CYP4Z1: variants seen among roughly 807,000 people sequenced by gnomAD.
CYP4Z1 encodes cytochrome P450 family 4 subfamily Z member 1, also known as cytochrome P450 4Z1.
A neutral mutation model predicts 54.2 loss-of-function variants in CYP4Z1; 41 were observed. The ratio of observed to expected loss-of-function variants is 0.76; its 90% confidence interval spans 0.59 to 0.98. The LOEUF (loss-of-function observed/expected upper bound fraction) is 0.98, where lower values mean the gene tolerates loss of function less well. Among genes scored for constraint, CYP4Z1 ranks in the 50% least tolerant of loss-of-function variants. The pLI is 0.00. For missense variants in CYP4Z1, 513 were observed against 599.0 expected, an observed-to-expected ratio of 0.86 and a Z score of 1.50; for synonymous variants, 163 against 206.2, an observed-to-expected ratio of 0.79 and a Z score of 1.79.
chr1:47,087,699 C>T (rs1480034296), intron 6 of CYP4Z1, among the ~76,000 whole-genome samples: 1 of 152,184 alleles, frequency 6.6e-6, no homozygotes, highest in African/African-American at 2.4e-5. Context: ...TTTCTCTTGC[C>T]TGATTGCCCT....
intron 2 of CYP4Z1, among the ~76,000 whole-genome samples, chr1:47,072,983 C>T (rs1644493458): frequency 6.6e-6 from 1 of 151,682 alleles, no homozygotes; most frequent in Non-Finnish European, 1.5e-5. Flanking sequence ...AGATCCAATT[C>T]AGGGACACTA....
Position 47,099,227 on chromosome 1 carries a change from A to C in CYP4Z1, c.1010A>C (p.Gln337Pro), listed in dbSNP as rs781259201. The C allele has an allele frequency of 2.5e-6, 4 of 1,613,834 alleles. No individual in the cohort carries two copies. The African/African-American group carries it at 5.3e-5, about 22-fold the overall frequency. The change falls in exon 8 of 12, where the codon CAG becomes CCG. Residue 337 changes from glutamine to proline, a missense_variant. Gln to Pro is a moderately conservative substitution (Grantham distance 76). Transcript: ENST00000334194. The stretch of plus-strand genomic sequence containing the variant: ...TGCTTGGCAAAGTACCCTGAGCATC[A>C]GCAGAGATGCCGAGATGAAATCAGG... ...LYCLAKYPEH[Q>P]QRCRDEIREL...
chr1:47,099,872 G>C (rs1466978023), intron 8 of CYP4Z1, among the ~76,000 whole-genome samples: 1 of 152,168 alleles, frequency 6.6e-6, no homozygotes, highest in Non-Finnish European at 1.5e-5. Context: ...CAGATGTATA[G>C]CTTAAAATGT....
At chr1:47,060,377 C>G in the CYP4Z1 span, among the ~76,000 whole-genome samples, 1 of 152,098 alleles carries the variant, frequency 6.6e-6, no homozygotes, top group Non-Finnish European at 1.5e-5. Flanking sequence ...ATCTACCGAG[C>G]AAATGGACAT....
upstream of CYP4Z1, among the ~76,000 whole-genome samples, chr1:47,065,554 A>G (rs9701888): frequency 0.31 from 47,641 of 151,958 alleles, 8,336 homozygotes; most frequent in East Asian, 0.74. Context: ...GAAAGTTTAT[A>G]GCATCAAATG....
the CYP4Z1 span, among the ~76,000 whole-genome samples, chr1:47,058,272 T>TATTATA: frequency 1.8e-4 from 27 of 152,184 alleles, no homozygotes; most frequent in African/African-American, 6.3e-4. Flanking sequence ...TAATTATTTT[T>TATTATA]ATTATAATTA....
At chr1:47,057,335 A>AAAAAAATATATATATAT in the CYP4Z1 span, among the ~76,000 whole-genome samples, 2 of 28,490 alleles carry the variant, frequency 7.0e-5, no homozygotes, top group Non-Finnish European at 1.7e-4. Flanking sequence ...AAGAAAAAAA[A>AAAAAAATATATATATAT]ATATATATAT....
intron 6 of CYP4Z1, among the ~76,000 whole-genome samples, chr1:47,086,574 T>A (rs548281769): frequency 1.8e-3 from 280 of 152,280 alleles, no homozygotes; most frequent in Admixed American, 3.1e-3. Context: ...GTTTGAGTTC[T>A]TTGTAGATTC....
intron 2 of CYP4Z1, among the ~76,000 whole-genome samples, chr1:47,078,159 A>G (rs1174593820): frequency 6.6e-6 from 1 of 152,116 alleles, no homozygotes; most frequent in Non-Finnish European, 1.5e-5. Flanking sequence ...TGGGACTCCA[A>G]TTATGCATAT....
At chr1:47,103,188 T>A (rs1227464757) in intron 8 of CYP4Z1, among the ~76,000 whole-genome samples, 4 of 151,960 alleles carry the variant, frequency 2.6e-5, no homozygotes, top group Non-Finnish European at 1.5e-5. Flanking sequence ...TCAGTTCCTT[T>A]TTTTTTTAAG....
chr1:47,108,120 C>T (rs1302778154), intron 9 of CYP4Z1, among the ~76,000 whole-genome samples: 5 of 152,198 alleles, frequency 3.3e-5, no homozygotes, highest in Non-Finnish European at 5.9e-5. Flanking sequence ...CATTCCTTTC[C>T]GCCACACCTT....
chr1:47,063,986 A>G (rs1269846300), upstream of CYP4Z1, among the ~76,000 whole-genome samples: 1 of 151,972 alleles, frequency 6.6e-6, no homozygotes, highest in Non-Finnish European at 1.5e-5. Flanking sequence ...AAGAACTGTG[A>G]GGCAAAAGTG....
intron 2 of CYP4Z1, among the ~76,000 whole-genome samples, chr1:47,076,514 T>G (rs988120069): frequency 1.3e-5 from 2 of 152,016 alleles, no homozygotes; most frequent in African/African-American, 4.8e-5. Context: ...TTTTCTAATG[T>G]CTTTTATGAT....
At chr1:47,097,861 G>A (rs1443815593) in intron 7 of CYP4Z1, among the ~76,000 whole-genome samples, 1 of 143,114 alleles carries the variant, frequency 7.0e-6, no homozygotes, top group Non-Finnish European at 1.5e-5. Context: ...TGTCACCCAG[G>A]CTGGAGTGCA....
chr1:47,057,319 C>A, the CYP4Z1 span, among the ~76,000 whole-genome samples: 1 of 23,074 alleles, frequency 4.3e-5, no homozygotes, highest in African/African-American at 1.4e-4. Flanking sequence ...CCCTTTGTTA[C>A]TTCTTAAGAA....
intron 6 of CYP4Z1, among the ~76,000 whole-genome samples, chr1:47,089,460 G>A (rs530145003): frequency 3.9e-5 from 6 of 151,938 alleles, no homozygotes; most frequent in Non-Finnish European, 7.4e-5. Flanking sequence ...ACAAGTCAAG[G>A]GGGAAATGTA....
At chr1:47,112,168 AAC>A (rs1396999706) in intron 9 of CYP4Z1, among the ~76,000 whole-genome samples, 1 of 152,112 alleles carries the variant, frequency 6.6e-6, no homozygotes, top group Non-Finnish European at 1.5e-5. Flanking sequence ...CTAGTCAAAA[AAC>A]ACAATAGCCA....
At chr1:47,069,340 A>G (rs1301281073) in intron 2 of CYP4Z1, among the ~76,000 whole-genome samples, 4 of 152,246 alleles carry the variant, frequency 2.6e-5, no homozygotes, top group East Asian at 3.9e-4. Flanking sequence ...CTGTTGGCAT[A>G]TAAGGCTGGC....
rs59424946 is a variant in CYP4Z1, at chr1:47,085,810, C to A, written c.772+832C>A. Among the ~76,000 whole-genome samples the A allele has an allele frequency of 9.9e-5, 15 of 151,474 alleles. No homozygotes were observed. In the South Asian group the frequency reaches 1.5e-3, roughly 15 times the overall value. ...TTGCACCCATTAACTTGTCATTTAC[C>A]TTAGGTATATCTCCTAATGCTATCC... is the stretch of plus-strand genomic sequence containing the variant. On this transcript the variant is annotated intron_variant, in intron 6 of 11. Transcript: ENST00000334194.
Sources: gnomAD v4.1 joint callset for allele counts (sites outside exome capture counted in the v4.1 genomes callset) on GRCh38, gnomAD v4.1.1 for gene constraint, MANE v1.5 for transcripts, NCBI Gene and HGNC (gene_info 2026-07-23, HGNC 2026-07-21) for gene names.